Variants in NCKAP5 observed in about 807,000 individuals in gnomAD.
NCKAP5 encodes nck-associated protein 5.
Under a neutral mutation model 167.0 loss-of-function variants are expected in NCKAP5, and 92 were observed. The observed-to-expected ratio is 0.55, with a 90% CI of 0.47 to 0.66. The LOEUF (loss-of-function observed/expected upper bound fraction) is 0.66. Ranked by LOEUF, NCKAP5 falls within the 30% of genes least tolerant of loss-of-function variation. The pLI, the probability that NCKAP5 is intolerant of heterozygous loss-of-function variation, is 0.00. For missense variants in NCKAP5, 2,378 were observed against 2,315.0 expected (o/e 1.03, Z -0.56); for synonymous variants, 891 against 877.4 (o/e 1.02, Z -0.27).
chr2:132,888,330 C>G (rs1267457324), intron 8 of NCKAP5, among the ~76,000 whole-genome samples: 2 of 152,054 alleles, frequency 1.3e-5, no homozygotes, highest in African/African-American at 4.8e-5. Flanking sequence ...CAGTGATAAC[C>G]AACTTTTCCC....
chr2:132,700,088 G>T (rs558658133), intron 19 of NCKAP5, among the ~76,000 whole-genome samples: 1 of 150,566 alleles, frequency 6.6e-6, no homozygotes, highest in South Asian at 2.1e-4. Context: ...CAATGATGAT[G>T]AGCATTTTTT....
chr2:133,633,921 C>G, the NCKAP5 span, among the ~76,000 whole-genome samples: 17 of 152,176 alleles, frequency 1.1e-4, no homozygotes, highest in Non-Finnish European at 5.9e-5. Flanking sequence ...GATAAGAGAT[C>G]ATTGTGTAGT....
chr2:133,091,714 C>T (rs371363006), intron 6 of NCKAP5, among the ~76,000 whole-genome samples: 6 of 151,968 alleles, frequency 3.9e-5, no homozygotes, highest in Non-Finnish European at 7.4e-5. Flanking sequence ...GGTGAAAACC[C>T]GTCTCTACCA....
intron 3 of NCKAP5, among the ~76,000 whole-genome samples, chr2:133,516,622 C>T (rs188639711): frequency 1.4e-4 from 22 of 152,318 alleles, no homozygotes; most frequent in African/African-American, 5.3e-4. Context: ...AAAGGTATAA[C>T]GGATAAATCA....
intron 5 of NCKAP5, among the ~76,000 whole-genome samples, chr2:133,182,283 T>C (rs559959116): frequency 8.5e-5 from 13 of 152,204 alleles, no homozygotes; most frequent in Non-Finnish European, 1.8e-4. Context: ...GTCTACCCAA[T>C]GTAATTAATA....
At chr2:133,166,357 T>A (rs943530214) in intron 5 of NCKAP5, among the ~76,000 whole-genome samples, 1 of 152,250 alleles carries the variant, frequency 6.6e-6, no homozygotes, top group Admixed American at 6.5e-5. Flanking sequence ...CATTATTATA[T>A]CATGAATAAC....
chr2:133,350,467 C>T (rs1306510175), intron 3 of NCKAP5, among the ~76,000 whole-genome samples: 2 of 151,888 alleles, frequency 1.3e-5, no homozygotes, highest in African/African-American at 2.4e-5. Context: ...ACCATAACAC[C>T]CCTCCCCTAC....
chr2:132,791,468 T>C (rs1254415098), intron 12 of NCKAP5, among the ~76,000 whole-genome samples: 2 of 152,236 alleles, frequency 1.3e-5, no homozygotes, highest in Non-Finnish European at 2.9e-5. Context: ...AGCCACATTA[T>C]AGGCCCCTCG....
chr2:133,181,227 T>C (rs1022085999), intron 5 of NCKAP5, among the ~76,000 whole-genome samples: 3 of 152,150 alleles, frequency 2.0e-5, no homozygotes, highest in African/African-American at 7.2e-5. Flanking sequence ...AAGATTTCTG[T>C]ACTTTACTTG....
At chr2:132,683,986 C>G (rs1685607545) in intron 19 of NCKAP5, among the ~76,000 whole-genome samples, 1 of 152,316 alleles carries the variant, frequency 6.6e-6, no homozygotes, top group African/African-American at 2.4e-5. Context: ...AGGTACCACA[C>G]AGATGCTATT....
intron 8 of NCKAP5, among the ~76,000 whole-genome samples, chr2:132,905,369 C>T (rs1214481584): frequency 2.6e-5 from 4 of 152,126 alleles, no homozygotes; most frequent in East Asian, 1.9e-4. Context: ...AAGTTCACAT[C>T]GTTTCAATAT....
intron 5 of NCKAP5, among the ~76,000 whole-genome samples, chr2:133,176,104 C>T (rs531728906): frequency 1.3e-5 from 2 of 152,248 alleles, no homozygotes; most frequent in Non-Finnish European, 2.9e-5. Context: ...ATCCAGCATC[C>T]CTGTTGGGTT....
At chr2:133,380,910 G>GTAGACA in intron 3 of NCKAP5, among the ~76,000 whole-genome samples, 1 of 152,150 alleles carries the variant, frequency 6.6e-6, no homozygotes, top group East Asian at 1.9e-4. Flanking sequence ...AAATAGAAAA[G>GTAGACA]TAGACATTTT....
intron 3 of NCKAP5, among the ~76,000 whole-genome samples, chr2:133,303,919 C>T (rs1336187713): frequency 6.6e-6 from 1 of 152,084 alleles, no homozygotes; most frequent in African/African-American, 2.4e-5. Flanking sequence ...ACAACCTATA[C>T]AAATTCTTTT....
At chr2:133,649,031 A>C in the NCKAP5 span, among the ~76,000 whole-genome samples, 1 of 151,954 alleles carries the variant, frequency 6.6e-6, no homozygotes, top group Non-Finnish European at 1.5e-5. Flanking sequence ...ACTCAAATAC[A>C]TAAAATCAAA....
intron 3 of NCKAP5, among the ~76,000 whole-genome samples, chr2:133,304,761 G>C (rs1004479627): frequency 6.6e-6 from 1 of 152,228 alleles, no homozygotes; most frequent in African/African-American, 2.4e-5. Flanking sequence ...TCTAAGTGCT[G>C]CAGATACAGT....
intron 4 of NCKAP5, among the ~76,000 whole-genome samples, chr2:133,252,015 A>C (rs2150340531): frequency 6.6e-6 from 1 of 152,298 alleles, no homozygotes; most frequent in Admixed American, 6.5e-5. Context: ...TTTTATTTTA[A>C]TTTCTTTAGG....
intron 8 of NCKAP5, among the ~76,000 whole-genome samples, chr2:132,908,841 G>T (rs984818550): frequency 1.3e-5 from 2 of 152,140 alleles, no homozygotes; most frequent in Non-Finnish European, 2.9e-5. Flanking sequence ...CTAAAACATG[G>T]ATCCCTATGG....
rs72846400 is a variant in NCKAP5 at position 133,517,613 on chromosome 2, C to T, written c.-61-26G>A. The T allele has an allele frequency of 4.8e-3, 4,023 of 834,872 alleles. 25 individuals carry two copies. The highest frequency in any genetic ancestry group is 0.017 in the Middle Eastern group (71 of 4,268). 51.7% of individuals were successfully genotyped at this position (834,872 alleles called of 1,614,324 possible). On this transcript the variant is annotated intron_variant, in intron 2 of 19. Coordinates refer to ENST00000409261, the MANE Select transcript of NCKAP5 (RefSeq NM_207363.3). ...CTGAAAAGAGTGAACATGTGTTTTA[C>T]TATCCAAGTACACAGTGTTTAGACC...
Sources: allele counts gnomAD v4.1 joint callset (sites outside exome capture counted in the v4.1 genomes callset), GRCh38; gene constraint gnomAD v4.1.1; transcripts MANE v1.5; gene names NCBI Gene and HGNC (gene_info 2026-07-23, HGNC 2026-07-21).